FGF13: variants seen among roughly 807,000 people sequenced by gnomAD.
The protein encoded by FGF13 is fibroblast growth factor homologous factor 2.
In FGF13, 2 loss-of-function variants were observed where a neutral mutation model predicts 19.5. The observed-to-expected ratio is 0.10, with a 90% CI of 0.04 to 0.32. The LOEUF (loss-of-function observed/expected upper bound fraction) is 0.32, where lower values mean the gene tolerates loss of function less well. Ranked by LOEUF, FGF13 falls within the 10% of genes least tolerant of loss-of-function variation. FGF13 has a pLI of 1.00. For missense variants in FGF13, 113 were observed against 192.7 expected, an observed-to-expected ratio of 0.59 and a Z score of 2.45; for synonymous variants, 72 against 76.9, an observed-to-expected ratio of 0.94 and a Z score of 0.33.
At chrX:138,941,084 T>A (rs771281855) in intron 1 of FGF13, among the ~76,000 whole-genome samples, 24 of 111,303 alleles carry the variant, frequency 2.2e-4, no homozygotes, top group Non-Finnish European at 4.3e-4. Flanking sequence ...GAACCATCTA[T>A]GACAAACCCA....
At chrX:138,947,031 G>A (rs1163156566) in intron 1 of FGF13, among the ~76,000 whole-genome samples, 1 of 111,928 alleles carries the variant, frequency 8.9e-6, no homozygotes, top group Non-Finnish European at 1.9e-5. Context: ...ACTTCATTAC[G>A]CCAGTGTGGC....
At chrX:138,848,227 C>T (rs754711009) in intron 3 of FGF13, among the ~76,000 whole-genome samples, 2 of 111,530 alleles carry the variant, frequency 1.8e-5, no homozygotes, top group South Asian at 3.8e-4. Context: ...GTGGGAAAGA[C>T]GGATACCTTA....
At chrX:139,091,930 C>T (rs148677811) in intron 1 of FGF13, among the ~76,000 whole-genome samples, 112 of 109,870 alleles carry the variant, frequency 1.0e-3, no homozygotes, top group Non-Finnish European at 1.9e-3. Flanking sequence ...GAGTACAGGA[C>T]GAAGCTGATA....
intron 1 of FGF13, among the ~76,000 whole-genome samples, chrX:139,004,434 G>C (rs1028074599): frequency 1.8e-5 from 2 of 112,608 alleles, no homozygotes; most frequent in African/African-American, 6.5e-5. Context: ...CAAGCTGAGG[G>C]AGTGGGCTCC....
At chrX:138,907,406 G>A (rs1224640072) in intron 1 of FGF13, among the ~76,000 whole-genome samples, 1 of 111,800 alleles carries the variant, frequency 8.9e-6, no homozygotes, top group Non-Finnish European at 1.9e-5. Context: ...GAAGAGAACA[G>A]GGAGTTAAAG....
At chrX:139,029,566 C>G (rs1420807489) in intron 1 of FGF13, among the ~76,000 whole-genome samples, 3 of 111,630 alleles carry the variant, frequency 2.7e-5, no homozygotes, top group Non-Finnish European at 5.7e-5. Context: ...TGAAGATCCC[C>G]TGTACATGTA....
chrX:138,862,981 T>C (rs1321305208), intron 2 of FGF13, among the ~76,000 whole-genome samples: 2 of 110,682 alleles, frequency 1.8e-5, no homozygotes, highest in Non-Finnish European at 3.8e-5. Context: ...AATTTTATTA[T>C]ATGCCTCTCT....
chrX:138,634,387 C>T (rs1451297248), intron 4 of FGF13, among the ~76,000 whole-genome samples: 1 of 112,365 alleles, frequency 8.9e-6, no homozygotes, highest in Non-Finnish European at 1.9e-5. Context: ...TGTGTATACA[C>T]ATTTTTAACA....
chrX:138,881,993 G>C (rs1321913491), intron 1 of FGF13, among the ~76,000 whole-genome samples: 1 of 109,992 alleles, frequency 9.1e-6, no homozygotes, highest in Non-Finnish European at 1.9e-5. Context: ...TGTAAAGTTA[G>C]GTTATTGATT....
chrX:139,170,870 G>A (rs1164450787), intron 1 of FGF13, among the ~76,000 whole-genome samples: 1 of 111,537 alleles, frequency 9.0e-6, no homozygotes, highest in African/African-American at 3.3e-5. Flanking sequence ...TTGCTAACCT[G>A]ACCTCCCGTC....
chrX:138,766,722 C>G (rs1444623415), intron 3 of FGF13, among the ~76,000 whole-genome samples: 1 of 111,671 alleles, frequency 9.0e-6, no homozygotes, highest in African/African-American at 3.3e-5. Flanking sequence ...ATAGAACATG[C>G]CTGCAAAGAG....
intron 3 of FGF13, 137 bp downstream of exon 3, chrX:138,702,847 C>T (rs1298366344): frequency 4.3e-6 from 2 of 460,716 alleles, no homozygotes; most frequent in Admixed American, 7.6e-5. Flanking sequence ...GTTAATCTGT[C>T]CTTTCAATGA....
chrX:139,194,282 A>G (rs1024393571), intron 1 of FGF13, among the ~76,000 whole-genome samples: 1 of 112,442 alleles, frequency 8.9e-6, no homozygotes, highest in Non-Finnish European at 1.9e-5. Context: ...TATGCAGAGA[A>G]AAAGGACTAG....
chrX:138,625,625 G>A lies in FGF13; in HGVS notation c.*7225C>T, dbSNP rs1165452636. On this transcript the variant is annotated 3_prime_UTR_variant, in exon 5 of 5. Coordinates refer to ENST00000315930, the MANE Select transcript of FGF13 (RefSeq NM_004114.5). ...TAAGCAAACTAAGTGAAATAAGCCA[G>A]ATGAAAAAAGAAAAAAATGCTACAT... 1.9e-5 allele frequency: 2 copies of A among 103,664 alleles called. No homozygotes were observed. Among genetic ancestry groups the A allele is most frequent in the Non-Finnish European group, 3.9e-5 (2 of 51,016 alleles). The allele number at this position is 103,664 out of a possible 1,213,427, so 8.5% of individuals were successfully genotyped here.
Position 139,138,345 on chromosome X carries a change from G to T in FGF13, c.-113+65071C>A, listed in dbSNP as rs962132754. On this transcript the variant is annotated intron_variant, in intron 1 of 2. Transcript: ENST00000421460. ...TAACCATAGCACTCCCTACCTTAGA[G>T]AAGCTATTATAGAAACCAATTGAAG... 3.6e-5 allele frequency among the ~76,000 whole-genome samples: 4 copies of T among 111,771 alleles called. No individual in the cohort carries two copies. The Admixed American group carries it at 3.8e-4, about 11-fold the overall frequency.
chrX:138,864,554 T>TGGGGGACCCTCTTTCACC (rs2091307086), intron 2 of FGF13: 1 of 111,651 alleles, frequency 9.0e-6, no homozygotes, highest in Non-Finnish European at 1.9e-5. Context: ...AAGGGGAGGT[T>TGGGGGACCCTCTTTCACC]GGGGGACCCT....
intron 1 of FGF13, among the ~76,000 whole-genome samples, chrX:138,899,199 TG>T (rs2091519137): frequency 2.7e-5 from 3 of 111,478 alleles, no homozygotes; most frequent in South Asian, 3.8e-4. Context: ...TTGTGTTTTT[TG>T]GGGGGGTTGG....
intron 3 of FGF13, among the ~76,000 whole-genome samples, chrX:138,648,457 A>G (rs1296902336): frequency 9.0e-6 from 1 of 111,216 alleles, no homozygotes; most frequent in Non-Finnish European, 1.9e-5. Context: ...AAATAAGTCC[A>G]GGATGAAAAG....
chrX:138,845,835 A>G (rs947537813), intron 3 of FGF13, among the ~76,000 whole-genome samples: 1 of 112,010 alleles, frequency 8.9e-6, no homozygotes, highest in Non-Finnish European at 1.9e-5. Flanking sequence ...GAGAAAAATC[A>G]AGTAAGTACA....
Sources: gnomAD v4.1 joint callset for allele counts (sites outside exome capture counted in the v4.1 genomes callset) on GRCh38, gnomAD v4.1.1 for gene constraint, MANE v1.5 for transcripts, NCBI Gene and HGNC (gene_info 2026-07-23, HGNC 2026-07-21) for gene names.